Variants in ARHGEF3 observed in about 807,000 individuals in gnomAD.
The protein encoded by ARHGEF3 is 59.8 kDA protein.
A neutral mutation model predicts 63.2 loss-of-function variants in ARHGEF3; 28 were observed. The observed-to-expected ratio is 0.44, with a 90% CI of 0.33 to 0.61. The LOEUF (loss-of-function observed/expected upper bound fraction) is 0.61, where lower values mean the gene tolerates loss of function less well. Ranked by LOEUF, ARHGEF3 falls within the 20% of genes least tolerant of loss-of-function variation. The pLI is 0.03. For missense variants in ARHGEF3, 533 were observed against 659.3 expected (o/e 0.81, Z 2.10); for synonymous variants, 266 against 254.2 (o/e 1.05, Z -0.44).
intron 3 of ARHGEF3, among the ~76,000 whole-genome samples, chr3:56,955,094 C>G (rs1341414347): frequency 6.6e-6 from 1 of 152,088 alleles, no homozygotes; most frequent in Non-Finnish European, 1.5e-5. Flanking sequence ...TTTTCCAAAC[C>G]ATTTCTCACC....
rs539568056 is a variant in ARHGEF3 at position 56,947,393 on chromosome 3, C to T, written c.129+11430G>A. On this transcript the variant is annotated intron_variant, in intron 3 of 12. Coordinates refer to the ARHGEF3 transcript ENST00000338458. The stretch of plus-strand genomic sequence containing the variant: ...GTATTCAGGAAACCCATCTCACCTG[C>T]AGAGACACATATAGGCTCAAAATAA... Among the ~76,000 whole-genome samples the T allele has an allele frequency of 9.9e-5, 15 of 152,280 alleles. 1 individual carries two copies. The highest frequency in any genetic ancestry group is 3.1e-4 in the African/African-American group (13 of 41,564).
At chr3:56,774,953 G>A in intron 1 of ARHGEF3, 1 of 1,372,808 alleles carries the variant, frequency 7.3e-7, no homozygotes, top group Admixed American at 2.8e-5. Context: ...ATGGGGAAGA[G>A]AATGATGATA....
rs576119773 is a variant in ARHGEF3, at chr3:56,749,574, C to T, written c.612+1482G>A. 2.0e-5 allele frequency among the ~76,000 whole-genome samples: 3 copies of T among 152,306 alleles called. No homozygotes were observed. The East Asian group carries it at 5.8e-4, about 29-fold the overall frequency. ...AAGAGACACTGAGGCACTCTCTACT[C>T]ATTATACCTTCTTTGTCTCTGTCTG... On this transcript the variant is annotated intron_variant, in intron 6 of 9. Coordinates refer to ENST00000296315, the MANE Select transcript of ARHGEF3 (RefSeq NM_019555.3).
intron 3 of ARHGEF3, among the ~76,000 whole-genome samples, chr3:56,914,360 C>G (rs2041931968): frequency 6.6e-6 from 1 of 152,200 alleles, no homozygotes; most frequent in Non-Finnish European, 1.5e-5. Flanking sequence ...AACATGAAAG[C>G]AACCCAAGGC....
intron 4 of ARHGEF3, among the ~76,000 whole-genome samples, chr3:56,880,304 G>T (rs896399554): frequency 1.3e-5 from 2 of 152,172 alleles, no homozygotes; most frequent in African/African-American, 4.8e-5. Context: ...ATATGAGATG[G>T]TTAAGAAAAA....
chr3:56,986,499 C>T (rs1051278345), intron 2 of ARHGEF3, among the ~76,000 whole-genome samples: 2 of 152,094 alleles, frequency 1.3e-5, no homozygotes, highest in Non-Finnish European at 2.9e-5. Flanking sequence ...GCTGGGGTGA[C>T]CAAAGGCAAG....
chr3:56,998,859 A>G (rs1191639657), intron 2 of ARHGEF3, among the ~76,000 whole-genome samples: 2 of 152,130 alleles, frequency 1.3e-5, no homozygotes, highest in Non-Finnish European at 2.9e-5. Flanking sequence ...AGCAGATCCC[A>G]TGTCCACCTT....
chr3:56,751,490 A>G (rs2034741804), intron 4 of ARHGEF3, 94 bp from the exon 5 acceptor site: 1 of 1,013,020 alleles, frequency 9.9e-7, no homozygotes, highest in Admixed American at 2.1e-5. Context: ...CTATCCAATA[A>G]CAAAACTTCT....
chr3:56,956,850 T>C lies in ARHGEF3; in HGVS notation c.129+1973A>G, dbSNP rs4416355. On this transcript the variant is annotated intron_variant, in intron 3 of 12. Coordinates refer to the ARHGEF3 transcript ENST00000338458. ...GATCTAATTTCTCTATAGTTCAAAA[T>C]TGACTGTTAATGTCAGCTATTCCAA... 2.6e-5 allele frequency among the ~76,000 whole-genome samples: 4 copies of C among 152,156 alleles called. No individual in the cohort carries two copies. In the East Asian group the frequency reaches 5.8e-4, roughly 22 times the overall value.
chr3:57,010,544 T>C (rs4515018), intron 2 of ARHGEF3, among the ~76,000 whole-genome samples: 152,107 of 152,196 alleles, frequency 1, 76,009 homozygotes, highest in Middle Eastern at 1. Context: ...CATCTACATA[T>C]ACAGGTTATT....
chr3:56,733,425 C>A (rs11130546), intron 8 of ARHGEF3, among the ~76,000 whole-genome samples: 128,874 of 140,192 alleles, frequency 0.92, 59,358 homozygotes, highest in East Asian at 1. Context: ...GCAGTGAGCC[C>A]AGATCATACC....
At chr3:57,034,136 T>A (rs1373330342) in intron 2 of ARHGEF3, among the ~76,000 whole-genome samples, 1 of 151,880 alleles carries the variant, frequency 6.6e-6, no homozygotes, top group Non-Finnish European at 1.5e-5. Flanking sequence ...ACTTATTTAT[T>A]TTAGAGATGG....
rs781044301 is a variant in ARHGEF3 at position 56,728,074 on chromosome 3, A to C, written c.*1196T>G. 6.6e-6 allele frequency: 1 copy of C among 152,638 alleles called. No homozygotes were observed. Among genetic ancestry groups the C allele is most frequent in the Non-Finnish European group, 1.5e-5 (1 of 68,046 alleles). The allele number at this position is 152,638 out of a possible 1,614,324, so 9.5% of individuals were successfully genotyped here. On this transcript the variant is annotated 3_prime_UTR_variant, in exon 10 of 10. Coordinates refer to ENST00000296315, the MANE Select transcript of ARHGEF3 (RefSeq NM_019555.3). ...GTACTTAGCTGTTTTTAAGGTCTGC[A>C]CTTTACCCTGCACTGTAAATCAAGG...
At chr3:56,767,182 C>G (rs914879656) in intron 2 of ARHGEF3, among the ~76,000 whole-genome samples, 1 of 151,786 alleles carries the variant, frequency 6.6e-6, no homozygotes, top group African/African-American at 2.4e-5. Context: ...TTGAAAACTA[C>G]TTAACGACAT....
intron 4 of ARHGEF3, among the ~76,000 whole-genome samples, chr3:56,807,176 G>T (rs966797313): frequency 5.3e-5 from 8 of 152,114 alleles, no homozygotes; most frequent in Non-Finnish European, 1.2e-4. Flanking sequence ...GGGAGCCACC[G>T]CGCCAGGCCT....
intron 2 of ARHGEF3, among the ~76,000 whole-genome samples, chr3:56,983,687 C>A (rs1452582116): frequency 1.3e-5 from 2 of 152,166 alleles, no homozygotes; most frequent in Non-Finnish European, 2.9e-5. Context: ...CCTGTAATGC[C>A]AGCACTTTGG....
At chr3:56,977,759 G>A (rs1701179226) in intron 2 of ARHGEF3, among the ~76,000 whole-genome samples, 1 of 152,126 alleles carries the variant, frequency 6.6e-6, no homozygotes, top group Non-Finnish European at 1.5e-5. Context: ...CTAAGCAAAT[G>A]GGTTCGGCCT....
Position 57,011,924 on chromosome 3 carries a change from G to A in ARHGEF3, c.62+23164C>T, listed in dbSNP as rs528189484. ...GAAGGTGGTGGTGAGGAGAAGCGGT[G>A]GGGTCTGGTTAGGTGGAAGAATGGT... is the stretch of plus-strand genomic sequence containing the variant. On this transcript the variant is annotated intron_variant, in intron 2 of 12. Transcript: ENST00000338458. Among the ~76,000 whole-genome samples the A allele has an allele frequency of 1.3e-3, 200 of 152,272 alleles. 1 individual carries two copies. The highest frequency in any genetic ancestry group is 4.5e-3 in the African/African-American group (189 of 41,554).
upstream of ARHGEF3, among the ~76,000 whole-genome samples, chr3:56,803,022 T>A (rs2037729891): frequency 2.0e-5 from 3 of 151,304 alleles, no homozygotes; most frequent in Admixed American, 2.0e-4. Context: ...CCATTTGTGT[T>A]AAAAAAAAAT....
Sources: gnomAD v4.1 joint callset for allele counts (sites outside exome capture counted in the v4.1 genomes callset) on GRCh38, gnomAD v4.1.1 for gene constraint, MANE v1.5 for transcripts, NCBI Gene and HGNC (gene_info 2026-07-23, HGNC 2026-07-21) for gene names.